Variants in GUCY1A2 observed in about 807,000 individuals in gnomAD.
The protein encoded by GUCY1A2 is guanylate cyclase soluble subunit alpha-2.
In GUCY1A2, 27 loss-of-function variants were observed where a neutral mutation model predicts 63.5. The observed-to-expected ratio is 0.43, with a 90% confidence interval of 0.31 to 0.59. The LOEUF (loss-of-function observed/expected upper bound fraction) is 0.59, where lower values mean the gene tolerates loss of function less well. Ranked by LOEUF, GUCY1A2 falls within the 20% of genes least tolerant of loss-of-function variation. The pLI is 0.11. For synonymous variants in GUCY1A2, 364 were observed against 343.5 expected, an observed-to-expected ratio of 1.06 and a Z score of -0.66; for missense variants, 768 against 913.3, an observed-to-expected ratio of 0.84 and a Z score of 2.05.
intron 4 of GUCY1A2, among the ~76,000 whole-genome samples, chr11:106,907,541 G>A (rs1428751913): frequency 1.3e-5 from 2 of 152,024 alleles, no homozygotes; most frequent in Non-Finnish European, 2.9e-5. Context: ...ATCTCCTAAT[G>A]CTATCCCTCC....
intron 6 of GUCY1A2, among the ~76,000 whole-genome samples, chr11:106,727,559 C>T (rs1363390596): frequency 1.3e-5 from 2 of 152,104 alleles, no homozygotes; most frequent in Non-Finnish European, 2.9e-5. Context: ...CTACTAAACA[C>T]AGTACTCAGG....
chr11:106,922,307 G>C (rs1271296859), intron 4 of GUCY1A2, among the ~76,000 whole-genome samples: 1 of 151,982 alleles, frequency 6.6e-6, no homozygotes, highest in Non-Finnish European at 1.5e-5. Context: ...CCAAACATAG[G>C]ATAAAGTCTT....
Position 106,687,698 on chromosome 11 carries a change from C to T in GUCY1A2, c.2050G>A (p.Asp684Asn). ...CCAGGAATTTCCTTTGGAAAGTTGT[C>T]TGGAAGCTCTTCACGAGACCGCGGA... ...FIPRSREELP[D>N]NFPKEIPGIC... The change falls in exon 8 of 8, where the codon GAC becomes AAC. Residue 684 changes from aspartate to asparagine, a missense_variant. This residue lies in a region of GUCY1A2 where 150 missense variants were observed against 188.3 expected (regional missense o/e 0.80). Transcript: ENST00000526355. 6.2e-7 allele frequency: 1 copy of T among 1,613,664 alleles called. No individual in the cohort carries two copies. Among genetic ancestry groups the T allele is most frequent in the Non-Finnish European group, 8.5e-7 (1 of 1,179,554 alleles).
At chr11:106,863,096 G>T (rs1380210470) in intron 4 of GUCY1A2, among the ~76,000 whole-genome samples, 3 of 151,890 alleles carry the variant, frequency 2.0e-5, no homozygotes, top group African/African-American at 7.2e-5. Flanking sequence ...AACACAAAGG[G>T]AGAGTGAAAG....
At chr11:106,932,230 T>C (rs1232918826) in intron 4 of GUCY1A2, among the ~76,000 whole-genome samples, 6 of 152,138 alleles carry the variant, frequency 3.9e-5, no homozygotes. Flanking sequence ...ACAATATTTC[T>C]TGTTAACAAA....
intron 4 of GUCY1A2, among the ~76,000 whole-genome samples, chr11:106,842,306 C>T (rs1859210086): frequency 6.6e-6 from 1 of 151,866 alleles, no homozygotes; most frequent in Non-Finnish European, 1.5e-5. Flanking sequence ...CTTAAGATTG[C>T]CCACAACTTT....
intron 4 of GUCY1A2, among the ~76,000 whole-genome samples, chr11:106,863,234 T>G (rs552299459): frequency 7.2e-5 from 11 of 152,276 alleles, no homozygotes; most frequent in African/African-American, 2.4e-4. Context: ...TCCTGAACGG[T>G]ATTGCCTAGG....
rs868075830 is a variant in GUCY1A2 at position 106,939,615 on chromosome 11, G to A, written c.1051C>T (p.Arg351Ter). ...TTGAGCACTTTGTGAGTGTCACATC[G>A]AAGCTGCTTCCTTAGACCTTCCCCC... ...QLGEGLRKQL[R>*]CDTHKVLKFE... Residue 351 changes from arginine to a stop codon, truncating the protein, a stop_gained, in exon 4 of 8, where the codon CGA becomes TGA. Transcript: ENST00000526355. LOFTEE classifies it high-confidence loss of function. The A allele has an allele frequency of 6.2e-7, 1 of 1,613,910 alleles. No homozygotes were observed. The highest frequency in any genetic ancestry group is 8.5e-7 in the Non-Finnish European group (1 of 1,179,874).
chr11:107,013,286 C>A (rs11212007), intron 1 of GUCY1A2, among the ~76,000 whole-genome samples: 26,874 of 152,048 alleles, frequency 0.18, 3,114 homozygotes, highest in Non-Finnish European at 0.25. Context: ...CCTAGAGAAG[C>A]CTTGCCCTTA....
chr11:106,917,183 T>C lies in GUCY1A2; in HGVS notation c.1206+22277A>G, dbSNP rs780744458. 3.3e-4 allele frequency among the ~76,000 whole-genome samples: 48 copies of C among 145,374 alleles called. 10 individuals are homozygous for C. Among genetic ancestry groups the C allele is most frequent in the South Asian group, 1.2e-3 (5 of 4,168 alleles). ...GCAAGAGAAATGCCCCTCTGAGGAG[T>C]TGATATTTAAGCTAAAATCTGAGCA... On this transcript the variant is annotated intron_variant, in intron 4 of 7. Transcript: ENST00000526355.
intron 4 of GUCY1A2, among the ~76,000 whole-genome samples, chr11:106,889,246 T>C (rs927884762): frequency 2.0e-5 from 3 of 152,180 alleles, no homozygotes; most frequent in Non-Finnish European, 4.4e-5. Flanking sequence ...CACAGTATTT[T>C]TGGTATATTT....
At chr11:106,972,267 T>A (rs1861205466) in intron 3 of GUCY1A2, among the ~76,000 whole-genome samples, 1 of 152,294 alleles carries the variant, frequency 6.6e-6, no homozygotes, top group East Asian at 1.9e-4. Flanking sequence ...CATATTAATG[T>A]ATGATGTCAA....
intron 6 of GUCY1A2, among the ~76,000 whole-genome samples, chr11:106,721,240 G>C (rs1176649571): frequency 1.3e-5 from 2 of 152,056 alleles, no homozygotes; most frequent in Non-Finnish European, 2.9e-5. Flanking sequence ...TGTATCTTTA[G>C]TAGAGACGGG....
At chr11:106,913,425 C>A (rs912570182) in intron 4 of GUCY1A2, among the ~76,000 whole-genome samples, 1 of 151,982 alleles carries the variant, frequency 6.6e-6, no homozygotes, top group Non-Finnish European at 1.5e-5. Flanking sequence ...GGGGAAGATG[C>A]CTGCCTCTCT....
In GUCY1A2 at chr11:106,677,005, C is replaced by T; in HGVS notation, c.*10544G>A. The T allele has an allele frequency of 4.7e-6, 1 of 213,468 alleles. No individual in the cohort carries two copies. The highest frequency in any genetic ancestry group is 5.9e-5 in the Admixed American group (1 of 17,082). 13.2% of individuals were successfully genotyped at this position (213,468 alleles called of 1,614,324 possible). On this transcript the variant is annotated 3_prime_UTR_variant, in exon 8 of 8. Coordinates refer to ENST00000526355, the MANE Select transcript of GUCY1A2 (RefSeq NM_000855.3). Reference sequence around the variant, plus strand: ...GTCAAGGTCCCAATTCTCTCAGTCACTTCTATCCTCAACTGATCTGCATCT... The same window carrying T: ...GTCAAGGTCCCAATTCTCTCAGTCATTTCTATCCTCAACTGATCTGCATCT...
intron 7 of GUCY1A2, among the ~76,000 whole-genome samples, chr11:106,693,075 CA>C (rs1251673716): frequency 9.2e-5 from 14 of 152,126 alleles, no homozygotes; most frequent in Non-Finnish European, 1.8e-4. Flanking sequence ...TGCTGTCTAC[CA>C]GGGGGTAATC....
At chr11:106,929,551 T>C (rs762006555) in intron 4 of GUCY1A2, among the ~76,000 whole-genome samples, 4 of 152,180 alleles carry the variant, frequency 2.6e-5, no homozygotes, top group Admixed American at 6.5e-5. Context: ...ATGTTTATAA[T>C]ATGGATACTC....
At chr11:106,847,037 G>T (rs1257588584) in intron 4 of GUCY1A2, among the ~76,000 whole-genome samples, 1 of 151,082 alleles carries the variant, frequency 6.6e-6, no homozygotes, top group Non-Finnish European at 1.5e-5. Context: ...TGTAACCCAG[G>T]TTTATTTTGT....
At chr11:106,934,567 G>A (rs1335391192) in intron 4 of GUCY1A2, among the ~76,000 whole-genome samples, 1 of 152,136 alleles carries the variant, frequency 6.6e-6, no homozygotes, top group East Asian at 1.9e-4. Context: ...TCTGAAAACT[G>A]ATTTGGCCAC....
Sources: gnomAD v4.1 joint callset for allele counts (sites outside exome capture counted in the v4.1 genomes callset) on GRCh38, gnomAD v4.1.1 for gene constraint, gnomAD v4.1.1 regional missense constraint, MANE v1.5 for transcripts, NCBI Gene and HGNC (gene_info 2026-07-23, HGNC 2026-07-21) for gene names.